The following SOX6 variants were observed in gnomAD, a reference collection of about 807,000 sequenced individuals.
SOX6 encodes the protein SRY-box transcription factor 6.
In SOX6, 11 loss-of-function variants were observed where a neutral mutation model predicts 97.8. That is an observed-to-expected ratio of 0.11 (90% confidence interval 0.07 to 0.19). The LOEUF is 0.19. SOX6 is among the 10% of genes least tolerant of loss of function. The probability of loss-of-function intolerance (pLI) is 1.00; values close to 1 mark genes in which losing one functional copy is unlikely to be tolerated. For missense variants in SOX6, 810 were observed against 1,039.5 expected, an observed-to-expected ratio of 0.78 and a Z score of 3.04; for synonymous variants, 360 against 371.4, an observed-to-expected ratio of 0.97 and a Z score of 0.35.
chr11:16,472,362 C>T (rs1860153363), intron 1 of SOX6, among the ~76,000 whole-genome samples: 1 of 152,162 alleles, frequency 6.6e-6, no homozygotes. Context: ...AATTATTTCC[C>T]TTCACTCAGA....
intron 2 of SOX6, among the ~76,000 whole-genome samples, chr11:16,717,601 C>A (rs1241869004): frequency 6.6e-6 from 1 of 152,044 alleles, no homozygotes; most frequent in African/African-American, 2.4e-5. Flanking sequence ...TTGAAACTTA[C>A]TCTTCATGAA....
intron 1 of SOX6, among the ~76,000 whole-genome samples, chr11:16,375,129 G>A (rs1857609796): frequency 6.6e-6 from 1 of 151,968 alleles, no homozygotes; most frequent in African/African-American, 2.4e-5. Flanking sequence ...AACAACTCAT[G>A]TGAAAAAAAG....
intron 1 of SOX6, among the ~76,000 whole-genome samples, chr11:16,341,959 C>T (rs1403710885): frequency 6.6e-6 from 1 of 151,922 alleles, no homozygotes; most frequent in African/African-American, 2.4e-5. Context: ...AATTTTGTAG[C>T]ATTTGAATTA....
At chr11:16,632,932 C>CCTGCA (rs1420525779) in intron 3 of SOX6, among the ~76,000 whole-genome samples, 1 of 152,166 alleles carries the variant, frequency 6.6e-6, no homozygotes, top group Non-Finnish European at 1.5e-5. Flanking sequence ...AGAGGGCTTC[C>CCTGCA]CTGCACCAGG....
At chr11:16,230,905 G>A (rs1852827889) in intron 4 of SOX6, among the ~76,000 whole-genome samples, 2 of 151,660 alleles carry the variant, frequency 1.3e-5, no homozygotes, top group Admixed American at 6.6e-5. Flanking sequence ...TGTAATCAGA[G>A]TGTAATAAAA....
At chr11:15,984,469 G>T (rs1248563673) in intron 15 of SOX6, among the ~76,000 whole-genome samples, 1 of 152,136 alleles carries the variant, frequency 6.6e-6, no homozygotes, top group Non-Finnish European at 1.5e-5. Flanking sequence ...TTGTTCAAAA[G>T]AGATTATACA....
At chr11:16,060,121 CT>C (rs1246857542) in intron 9 of SOX6, among the ~76,000 whole-genome samples, 1 of 151,770 alleles carries the variant, frequency 6.6e-6, no homozygotes. Context: ...GAAACTTGAA[CT>C]AGTGAAAAAT....
In SOX6 at chr11:15,979,042, C is replaced by CATATATATAT. The variant is rs57062569; in HGVS notation, c.2184-5940_2184-5931dup. On this transcript the variant is annotated intron_variant, in intron 15 of 15. Transcript: ENST00000683767. ...AACTGCTTATTTTATATATATTTTA[C>CATATATATAT]ATATATATATATATATATATATAAA... 6.5e-3 allele frequency among the ~76,000 whole-genome samples: 697 copies of CATATATATAT among 107,092 alleles called. 5 individuals are homozygous for CATATATATAT. Among genetic ancestry groups the CATATATATAT allele is most frequent in the Middle Eastern group, 0.01 (2 of 196 alleles). The allele number at this position is 107,092 out of a possible 152,430, so 70.3% of individuals were successfully genotyped here.
intron 3 of SOX6, among the ~76,000 whole-genome samples, chr11:16,310,798 T>C (rs1324378770): frequency 6.6e-6 from 1 of 152,114 alleles, no homozygotes; most frequent in East Asian, 1.9e-4. Flanking sequence ...GGCTTAAATC[T>C]GGGATATTAT....
intron 4 of SOX6, among the ~76,000 whole-genome samples, chr11:16,611,054 C>A (rs937350699): frequency 1.3e-5 from 2 of 152,214 alleles, no homozygotes; most frequent in African/African-American, 4.8e-5. Flanking sequence ...CCGCAGCAGT[C>A]GCTGCCTCTG....
intron 6 of SOX6, among the ~76,000 whole-genome samples, chr11:16,154,790 A>G (rs928082008): frequency 1.3e-5 from 2 of 152,166 alleles, no homozygotes; most frequent in Admixed American, 6.6e-5. Context: ...GCACACAGGC[A>G]TCTATCTACC....
chr11:16,707,677 T>C (rs888759407), intron 3 of SOX6, among the ~76,000 whole-genome samples: 1 of 152,200 alleles, frequency 6.6e-6, no homozygotes, highest in Non-Finnish European at 1.5e-5. Context: ...AGAATTCATG[T>C]TGATGCAGTC....
At chr11:16,569,863 C>T (rs1211881200) in intron 4 of SOX6, among the ~76,000 whole-genome samples, 3 of 60,868 alleles carry the variant, frequency 4.9e-5, no homozygotes, top group African/African-American at 2.1e-4. Flanking sequence ...ATCAAGACTC[C>T]GTCTCAAAAA....
At chr11:16,132,400 A>AG (rs2091560520) in intron 6 of SOX6, among the ~76,000 whole-genome samples, 1 of 65,302 alleles carries the variant, frequency 1.5e-5, no homozygotes, top group Admixed American at 2.0e-4. Flanking sequence ...GAAAGAAAGA[A>AG]AAAAGAAAGA....
At chr11:16,167,418 C>T (rs549646418) in intron 6 of SOX6, among the ~76,000 whole-genome samples, 1 of 152,228 alleles carries the variant, frequency 6.6e-6, no homozygotes, top group Admixed American at 6.5e-5. Context: ...TCCACCCTTT[C>T]GTCTAATTGC....
intron 3 of SOX6, among the ~76,000 whole-genome samples, chr11:16,712,475 T>C (rs1848189322): frequency 6.6e-6 from 1 of 152,232 alleles, no homozygotes; most frequent in Non-Finnish European, 1.5e-5. Context: ...CATTGTGGTT[T>C]TGACTTGCAT....
chr11:16,696,654 A>G (rs1168945402), intron 3 of SOX6, among the ~76,000 whole-genome samples: 1 of 152,228 alleles, frequency 6.6e-6, no homozygotes, highest in Non-Finnish European at 1.5e-5. Flanking sequence ...AATTTAAAAT[A>G]CTTTATTGCT....
intron 1 of SOX6, among the ~76,000 whole-genome samples, chr11:16,388,211 C>A (rs1041068324): frequency 6.6e-6 from 1 of 152,098 alleles, no homozygotes; most frequent in Non-Finnish European, 1.5e-5. Flanking sequence ...CTCATTTACT[C>A]TGTTAATACA....
intron 3 of SOX6, among the ~76,000 whole-genome samples, chr11:16,292,400 C>T (rs1003489549): frequency 1.3e-5 from 2 of 152,034 alleles, no homozygotes; most frequent in Middle Eastern, 3.4e-3. Flanking sequence ...ACACTAAGAG[C>T]GATCATAAAT....
Sources: gnomAD v4.1 joint callset for allele counts (sites outside exome capture counted in the v4.1 genomes callset) on GRCh38, gnomAD v4.1.1 for gene constraint, MANE v1.5 for transcripts, NCBI Gene and HGNC (gene_info 2026-07-23, HGNC 2026-07-21) for gene names.